PIK3R1: variants seen among roughly 807,000 people sequenced by gnomAD.
PIK3R1 encodes phosphatidylinositol 3-kinase regulatory subunit alpha.
Under a neutral mutation model 98.0 loss-of-function variants are expected in PIK3R1, and 29 were observed. The ratio of observed to expected loss-of-function variants is 0.30; its 90% CI spans 0.22 to 0.40. The LOEUF (loss-of-function observed/expected upper bound fraction) is 0.40, where lower values mean the gene tolerates loss of function less well. Ranked by LOEUF, PIK3R1 falls within the 10% of genes least tolerant of loss-of-function variation. PIK3R1 has a pLI of 1.00. For missense variants in PIK3R1, 596 were observed against 872.7 expected, an observed-to-expected ratio of 0.68 and a Z score of 3.99; for synonymous variants, 282 against 311.8, an observed-to-expected ratio of 0.90 and a Z score of 1.01.
chr5:68,227,250 G>A (rs1391493917), intron 2 of PIK3R1, among the ~76,000 whole-genome samples: 3 of 152,132 alleles, frequency 2.0e-5, no homozygotes, highest in Non-Finnish European at 4.4e-5. Flanking sequence ...AGTGAGTGTC[G>A]TTGAACACTA....
chr5:68,300,490 G>A lies in PIK3R1; in HGVS notation c.*2889G>A, dbSNP rs1747979463. 1 of 233,146 alleles carries A rather than the reference G, an allele frequency of 4.3e-6. No homozygotes were observed. The highest frequency in any genetic ancestry group is 2.2e-5 in the African/African-American group (1 of 45,364). 14.4% of individuals were successfully genotyped at this position (233,146 alleles called of 1,614,324 possible). ...TAAAGATAAAGCCAGAAGCTAAGCT[G>A]CAGTGAGGCTGTGATTGGGCGTAGA... is the stretch of plus-strand genomic sequence containing the variant. On this transcript the variant is annotated 3_prime_UTR_variant, in exon 16 of 16. Coordinates refer to ENST00000521381, the MANE Select transcript of PIK3R1 (RefSeq NM_181523.3).
At chr5:68,292,147 T>C in intron 7 of PIK3R1, 112 bp from the exon 8 acceptor site, 1 of 620,430 alleles carries the variant, frequency 1.6e-6, no homozygotes, top group Non-Finnish European at 2.9e-6. Context: ...ACTAATGCTA[T>C]ATATTTCAGT....
At position 68,301,458 on chromosome 5, in the gene PIK3R1, GTA is replaced by G. The variant is rs367948290; in HGVS notation, c.*3867_*3868del. The G allele has an allele frequency of 0.011, 1,143 of 103,974 alleles. 16 individuals carry two copies. The highest frequency in any genetic ancestry group is 0.015 in the African/African-American group (372 of 24,176). 6.4% of individuals were successfully genotyped at this position (103,974 alleles called of 1,614,324 possible). On this transcript the variant is annotated 3_prime_UTR_variant, in exon 16 of 16. Transcript: ENST00000521381. ...TGTGTGTGTATATATATATATATGTGTATATATATATGTATATACATATATGT... is the reference window on the plus strand; with the variant it reads ...TGTGTGTGTATATATATATATATGTGTATATATATGTATATACATATATGT...
intron 1 of PIK3R1, among the ~76,000 whole-genome samples, chr5:68,219,118 T>C (rs1744003443): frequency 1.3e-5 from 2 of 152,212 alleles, no homozygotes; most frequent in African/African-American, 4.8e-5. Context: ...TATAAACTTG[T>C]CTGTATGGCC....
chr5:68,286,359 G>C (rs1344576230), intron 7 of PIK3R1, among the ~76,000 whole-genome samples: 1 of 152,134 alleles, frequency 6.6e-6, no homozygotes, highest in Non-Finnish European at 1.5e-5. Flanking sequence ...CTGTACTTTT[G>C]ATTTACTAAT....
intron 1 of PIK3R1, among the ~76,000 whole-genome samples, chr5:68,216,491 C>T (rs1284495341): frequency 6.6e-6 from 1 of 152,210 alleles, no homozygotes; most frequent in African/African-American, 2.4e-5. Context: ...TCCCCTAACC[C>T]CCGCCTTCCG....
chr5:68,273,106 GC>G (rs1419654459), intron 2 of PIK3R1, among the ~76,000 whole-genome samples: 1 of 152,100 alleles, frequency 6.6e-6, no homozygotes, highest in East Asian at 1.9e-4. Flanking sequence ...CACCTTTGGG[GC>G]CCAGGGGTGT....
intron 3 of PIK3R1, 44 bp from the exon 4 acceptor site, chr5:68,273,895 G>T: frequency 6.9e-7 from 1 of 1,444,506 alleles, no homozygotes; most frequent in Non-Finnish European, 9.7e-7. Context: ...TCTCCAGAGA[G>T]CTGTGTTTTG....
chr5:68,235,863 C>T (rs907833938), intron 2 of PIK3R1, among the ~76,000 whole-genome samples: 13 of 149,596 alleles, frequency 8.7e-5, no homozygotes, highest in Admixed American at 4.7e-4. Context: ...GCTAATTATT[C>T]TGCCAGGCAT....
intron 5 of PIK3R1, 24 bp downstream of exon 5, chr5:68,279,757 C>A (rs186310665): frequency 6.2e-7 from 1 of 1,611,012 alleles, no homozygotes; most frequent in Non-Finnish European, 8.5e-7. Context: ...CTTCTGGGAA[C>A]CTCATTGAAC....
chr5:68,279,880 C>A, intron 5 of PIK3R1, 147 bp downstream of exon 5: 1 of 756,742 alleles, frequency 1.3e-6, no homozygotes, highest in Non-Finnish European at 2.1e-6. Flanking sequence ...AAATTTCCTC[C>A]TCCACCCAAG....
chr5:68,299,226 GA>G lies in PIK3R1; in HGVS notation c.*1635del, dbSNP rs373752070. ...CATGACCAGCAAATACTCATTTTAGGAAAAAAAAAAGCATGATCTGAAAAAT... is the reference window on the plus strand; with the variant it reads ...CATGACCAGCAAATACTCATTTTAGGAAAAAAAAAGCATGATCTGAAAAAT... On this transcript the variant is annotated 3_prime_UTR_variant, in exon 16 of 16. Transcript: ENST00000521381. The G allele has an allele frequency of 6.9e-4, 150 of 216,902 alleles. No homozygotes were observed. Among genetic ancestry groups the G allele is most frequent in the Middle Eastern group, 1.4e-3 (1 of 702 alleles). The allele number at this position is 216,902 out of a possible 1,614,324, so 13.4% of individuals were successfully genotyped here. A position where few individuals can be genotyped will look rare whatever the true frequency, so the allele number is the denominator to read the frequency against.
chr5:68,274,281 G>A (rs1276148653), intron 4 of PIK3R1, among the ~76,000 whole-genome samples: 1 of 152,128 alleles, frequency 6.6e-6, no homozygotes, highest in Non-Finnish European at 1.5e-5. Context: ...TCCTGCAGAG[G>A]AGAGAAACCA....
At chr5:68,262,403 T>TATATATATATATATATATATACACAC (rs33968242) in intron 2 of PIK3R1, among the ~76,000 whole-genome samples, 3 of 140,610 alleles carry the variant, frequency 2.1e-5, no homozygotes, top group Non-Finnish European at 1.5e-5. Context: ...TATATATATA[T>TATATATATATATATATATATACACAC]ACACACACGC....
intron 2 of PIK3R1, among the ~76,000 whole-genome samples, chr5:68,259,239 T>C (rs1417424243): frequency 1.3e-5 from 2 of 152,224 alleles, no homozygotes; most frequent in Admixed American, 6.5e-5. Context: ...ATATGTTGAT[T>C]ATATTTTGGA....
rs2111963818 is a variant in PIK3R1 at position 68,226,737 on chromosome 5, A to T, written c.62A>T (p.Asp21Val). 1.2e-6 allele frequency: 2 copies of T among 1,614,170 alleles called. No individual in the cohort carries two copies. The highest frequency in any genetic ancestry group is 1.7e-6 in the Non-Finnish European group (2 of 1,180,014). The change falls in exon 2 of 16, where the codon GAT (aspartate) becomes GTT (valine). Residue 21 changes from aspartate (D) to valine (V), a missense_variant. Asp to Val is a radical substitution (Grantham distance 152). Around this residue, in one of 3 missense-constraint regions of PIK3R1, gnomAD observed 352 missense variants for 393.3 expected, o/e 0.90. Coordinates refer to ENST00000521381, the MANE Select transcript of PIK3R1 (RefSeq NM_181523.3). ...LYDYKKEREE[D>V]IDLHLGDILT... is the part of the protein sequence containing the mutation. ...GATTATAAAAAGGAAAGAGAAGAAG[A>T]TATTGACTTGCACTTGGGTGACATA...
intron 4 of PIK3R1, among the ~76,000 whole-genome samples, chr5:68,276,753 T>C (rs1746587726): frequency 6.6e-6 from 1 of 152,226 alleles, no homozygotes; most frequent in Non-Finnish European, 1.5e-5. Context: ...TAGGATAATT[T>C]TATTCATATA....
intron 2 of PIK3R1, among the ~76,000 whole-genome samples, chr5:68,249,392 T>C (rs564108480): frequency 6.6e-6 from 1 of 152,352 alleles, no homozygotes; most frequent in African/African-American, 2.4e-5. Flanking sequence ...TGGTATCTCT[T>C]CTTGGTCTTT....
chr5:68,241,584 G>T (rs186376988), intron 2 of PIK3R1, among the ~76,000 whole-genome samples: 10 of 152,270 alleles, frequency 6.6e-5, no homozygotes, highest in Non-Finnish European at 1.2e-4. Context: ...TGTGCTGTGT[G>T]CTCTACCTAC....
Sources: allele counts gnomAD v4.1 joint callset (sites outside exome capture counted in the v4.1 genomes callset), GRCh38; gene constraint gnomAD v4.1.1; regional missense constraint gnomAD v4.1.1; transcripts MANE v1.5; gene names NCBI Gene and HGNC (gene_info 2026-07-23, HGNC 2026-07-21).